RAPGEF6: variants seen among roughly 807,000 people sequenced by gnomAD.
The protein encoded by RAPGEF6 is PDZ domain containing guanine nucleotide exchange factor (GEF) 2.
A neutral mutation model predicts 171.4 loss-of-function variants in RAPGEF6; 56 were observed. The ratio of observed to expected loss-of-function variants is 0.33; its 90% CI spans 0.26 to 0.41. The LOEUF (loss-of-function observed/expected upper bound fraction) is 0.41, where lower values mean the gene tolerates loss of function less well. RAPGEF6 is among the 10% of genes least tolerant of loss of function. The pLI, the probability that RAPGEF6 is intolerant of heterozygous loss-of-function variation, is 1.00. For synonymous variants in RAPGEF6, 692 were observed against 650.1 expected (o/e 1.06, Z -0.98); for missense variants, 1,674 against 1,921.4 (o/e 0.87, Z 2.41).
chr5:131,472,868 T>C, intron 16 of RAPGEF6, 124 bp from the exon 17 acceptor site: 1 of 778,916 alleles, frequency 1.3e-6, no homozygotes, highest in Non-Finnish European at 2.0e-6. Context: ...ACAACTGAAA[T>C]ACTACAGCAA....
At chr5:131,477,686 G>C (rs1260833798) in intron 16 of RAPGEF6, among the ~76,000 whole-genome samples, 1 of 152,184 alleles carries the variant, frequency 6.6e-6, no homozygotes, top group Admixed American at 6.5e-5. Flanking sequence ...GAATGTGATA[G>C]TAACAAGTTG....
chr5:131,513,173 C>G (rs566404155), intron 7 of RAPGEF6, among the ~76,000 whole-genome samples: 1 of 152,128 alleles, frequency 6.6e-6, no homozygotes, highest in Non-Finnish European at 1.5e-5. Flanking sequence ...TTTTTAAAGA[C>G]AAGTAGTTTT....
At chr5:131,533,207 CA>C (rs1561542217) in intron 6 of RAPGEF6, among the ~76,000 whole-genome samples, 19 of 151,378 alleles carry the variant, frequency 1.3e-4, no homozygotes, top group South Asian at 6.3e-4. Context: ...CACACACACA[CA>C]CACACCCCAT....
At chr5:131,441,273 C>T (rs1752366550) in intron 23 of RAPGEF6, among the ~76,000 whole-genome samples, 1 of 152,174 alleles carries the variant, frequency 6.6e-6, no homozygotes, top group African/African-American at 2.4e-5. Context: ...ACTATGAAGA[C>T]TGATATATAA....
chr5:131,486,829 T>C (rs1432361326), intron 15 of RAPGEF6, among the ~76,000 whole-genome samples: 2 of 150,718 alleles, frequency 1.3e-5, no homozygotes, highest in African/African-American at 2.4e-5. Flanking sequence ...TCTCAAGGGA[T>C]AAATTTTTAA....
chr5:131,453,156 C>T lies in RAPGEF6; in HGVS notation c.3098G>A (p.Gly1033Asp). ...TCTTAACTTCTCAAAGTTTACTAAA[C>T]CATCTACTTTGGAGTCATTTCCTAT... ...LHEGNDSKVD[G>D]LVNFEKLRMI... Residue 1033 changes from glycine (G) to aspartate (D), a missense_variant, in exon 21 of 28, where the codon GGT becomes GAT. Physicochemically the swap from Gly to Asp is moderately conservative, Grantham distance 94. Transcript: ENST00000509018. The T allele has an allele frequency of 6.2e-7, 1 of 1,612,736 alleles. No individual in the cohort carries two copies. Among genetic ancestry groups the T allele is most frequent in the Non-Finnish European group, 8.5e-7 (1 of 1,179,252 alleles).
At chr5:131,515,927 G>T (rs777513312) in intron 7 of RAPGEF6, among the ~76,000 whole-genome samples, 11 of 151,198 alleles carry the variant, frequency 7.3e-5, no homozygotes, top group Non-Finnish European at 1.3e-4. Flanking sequence ...TAACAGTGAA[G>T]AATTAAAGCT....
At chr5:131,602,488 C>T (rs1032610265) in intron 3 of RAPGEF6, among the ~76,000 whole-genome samples, 10 of 152,140 alleles carry the variant, frequency 6.6e-5, no homozygotes, top group African/African-American at 2.4e-4. Context: ...TGGCCAGGCA[C>T]GGTGGCTCAC....
chr5:131,541,020 T>TTA (rs1234809012), intron 6 of RAPGEF6, among the ~76,000 whole-genome samples: 3 of 152,184 alleles, frequency 2.0e-5, no homozygotes, highest in Non-Finnish European at 4.4e-5. Context: ...ATGTTTACCG[T>TTA]TATATGCTAT....
intron 20 of RAPGEF6, among the ~76,000 whole-genome samples, chr5:131,454,508 T>C (rs1753342434): frequency 6.6e-6 from 1 of 152,052 alleles, no homozygotes. Context: ...AATAACGATG[T>C]TGAATATGTT....
intron 10 of RAPGEF6, among the ~76,000 whole-genome samples, chr5:131,505,052 G>C (rs561965415): frequency 3.0e-4 from 46 of 151,032 alleles, no homozygotes; most frequent in African/African-American, 1.1e-3. Context: ...GCAGGAGTAA[G>C]TTAGAAACAA....
chr5:131,438,239 T>G (rs1752148146), intron 24 of RAPGEF6, among the ~76,000 whole-genome samples: 1 of 152,160 alleles, frequency 6.6e-6, no homozygotes, highest in African/African-American at 2.4e-5. Context: ...ATCCGCCTGC[T>G]TTGGCCTAGA....
chr5:131,498,678 T>G (rs1756805030), intron 11 of RAPGEF6, 71 bp from the exon 12 acceptor site: 1 of 1,394,590 alleles, frequency 7.2e-7, no homozygotes, highest in Admixed American at 1.9e-5. Context: ...TATTGTTGAT[T>G]ACTCCGCTTT....
intron 1 of RAPGEF6, among the ~76,000 whole-genome samples, chr5:131,608,671 T>C (rs1764752626): frequency 1.3e-5 from 2 of 152,188 alleles, no homozygotes; most frequent in African/African-American, 4.8e-5. Flanking sequence ...GGTGGATCCC[T>C]TGTAAATAGA....
At chr5:131,573,773 C>A (rs948600051) in intron 4 of RAPGEF6, among the ~76,000 whole-genome samples, 2 of 152,252 alleles carry the variant, frequency 1.3e-5, no homozygotes, top group African/African-American at 2.4e-5. Context: ...AGATGAAAAC[C>A]CAGCCCAGTT....
At position 131,515,765 on chromosome 5, in the gene RAPGEF6, A is replaced by T. The variant is rs551261211; in HGVS notation, c.628-5274T>A. 2.0e-5 allele frequency among the ~76,000 whole-genome samples: 3 copies of T among 152,330 alleles called. No homozygotes were observed. The South Asian group carries it at 6.2e-4, about 32-fold the overall frequency. ...GGTAGAAGAGCATGATTAAAACACAAGACTAGGAAAAGGCAGACATGTTCA... is the reference window on the plus strand; with the variant it reads ...GGTAGAAGAGCATGATTAAAACACATGACTAGGAAAAGGCAGACATGTTCA... On this transcript the variant is annotated intron_variant, in intron 7 of 27. Transcript: ENST00000509018.
At chr5:131,440,737 CAA>C (rs1168441695) in intron 23 of RAPGEF6, among the ~76,000 whole-genome samples, 17,125 of 65,530 alleles carry the variant, frequency 0.26, 533 homozygotes, top group East Asian at 0.45. Context: ...GACTCTGTCT[CAA>C]AAAAAAAAAA....
At chr5:131,508,263 T>C in intron 8 of RAPGEF6, 56 bp from the exon 9 acceptor site, 2 of 1,455,940 alleles carry the variant, frequency 1.4e-6, no homozygotes, top group East Asian at 2.5e-5. Context: ...ACCTTAAAAA[T>C]ACAACGAAAT....
intron 4 of RAPGEF6, among the ~76,000 whole-genome samples, chr5:131,565,185 A>C (rs1361850576): frequency 1.3e-5 from 2 of 152,196 alleles, no homozygotes; most frequent in Non-Finnish European, 2.9e-5. Context: ...TAATTTAGCA[A>C]GATTGAATAA....
Sources: gnomAD v4.1 joint callset for allele counts (sites outside exome capture counted in the v4.1 genomes callset) on GRCh38, gnomAD v4.1.1 for gene constraint, MANE v1.5 for transcripts, NCBI Gene and HGNC (gene_info 2026-07-23, HGNC 2026-07-21) for gene names.